Variants in CD72 observed in about 807,000 individuals in gnomAD.
CD72 encodes the protein CD72 molecule.
In CD72, 28 loss-of-function variants were observed where a neutral mutation model predicts 50.7. The observed-to-expected ratio is 0.55, with a 90% CI of 0.41 to 0.76. The LOEUF is 0.76. CD72 is among the 30% of genes least tolerant of loss of function. The pLI, the probability that CD72 is intolerant of heterozygous loss-of-function variation, is 0.00. For missense variants in CD72, 403 were observed against 420.6 expected (o/e 0.96, Z 0.37); for synonymous variants, 176 against 171.2 (o/e 1.03, Z -0.22).
chr9:35,629,117 T>C (rs1188886758), intron 1 of CD72, among the ~76,000 whole-genome samples: 1 of 152,042 alleles, frequency 6.6e-6, no homozygotes, highest in Non-Finnish European at 1.5e-5. Context: ...GCTCAAGCAA[T>C]CTTCCTGCCT....
At chr9:35,631,021 T>G (rs1396896985) in intron 1 of CD72, among the ~76,000 whole-genome samples, 1 of 152,240 alleles carries the variant, frequency 6.6e-6, no homozygotes, top group African/African-American at 2.4e-5. Flanking sequence ...ATTATTATCC[T>G]AAGAATTTTT....
rs1399207942 is a variant in CD72, at chr9:35,616,120, G to A, written c.511C>T (p.Leu171=). ...TGATGAGCCCTCTGTTCCACCTGTA[G>A]TGCTTCCTGACTCTGCGCCAGCTCT... ...RRELAQSQEA[L]QVEQRAHQAA... The change falls in exon 5 of 9, where the codon CTA becomes TTA. Residue 171 remains leucine, a synonymous_variant. Transcript: ENST00000259633. 2.5e-6 allele frequency: 4 copies of A among 1,614,154 alleles called. No homozygotes were observed. The East Asian group carries it at 8.9e-5, about 36-fold the overall frequency.
chr9:35,639,015 C>T (rs1271276444), intron 1 of CD72, among the ~76,000 whole-genome samples: 3 of 150,566 alleles, frequency 2.0e-5, no homozygotes, highest in African/African-American at 7.3e-5. Context: ...GCCGGAAGGC[C>T]GCCTTATTCT....
intron 1 of CD72, among the ~76,000 whole-genome samples, chr9:35,640,691 ACAG>A (rs1823331399): frequency 6.6e-6 from 1 of 152,230 alleles, no homozygotes; most frequent in Non-Finnish European, 1.5e-5. Flanking sequence ...ACAGTGGCAA[ACAG>A]CAGTGGTGGA....
intron 8 of CD72, 100 bp downstream of exon 8, chr9:35,610,502 C>A: frequency 1.5e-6 from 1 of 676,060 alleles, no homozygotes. Context: ...ATCCCAGGTA[C>A]AAGTTTTCTC....
intron 5 of CD72, among the ~76,000 whole-genome samples, chr9:35,615,466 T>C (rs926872076): frequency 2.0e-5 from 3 of 151,964 alleles, no homozygotes; most frequent in African/African-American, 7.3e-5. Flanking sequence ...TCCACCTCAC[T>C]GTGAGTGCTG....
chr9:35,616,155 C>T lies in CD72; in HGVS notation c.476G>A (p.Gly159Glu), dbSNP rs1405485711. The T allele has an allele frequency of 6.2e-7, 1 of 1,614,122 alleles. No individual in the cohort carries two copies. The highest frequency in any genetic ancestry group is 8.5e-7 in the Non-Finnish European group (1 of 1,180,022). The change falls in exon 5 of 9, where the codon GGG (glycine) becomes GAG (glutamate). Residue 159 changes from glycine (G) to glutamate (E), a missense_variant. Physicochemically the swap from Gly to Glu is moderately conservative, Grantham distance 98 (BLOSUM62 -2). Transcript: ENST00000259633. Reference sequence around the variant, plus strand: ...ACTCTGCGCCAGCTCTCTCCTGGACCCCTGCAGATCCTCTGCACTCTGTCC... The same window carrying T: ...ACTCTGCGCCAGCTCTCTCCTGGACTCCTGCAGATCCTCTGCACTCTGTCC... ...QLGQSAEDLQ[G>E]SRRELAQSQE...
chr9:35,637,263 C>T (rs1426884078), intron 1 of CD72, among the ~76,000 whole-genome samples: 1 of 152,224 alleles, frequency 6.6e-6, no homozygotes, highest in Non-Finnish European at 1.5e-5. Context: ...ACTCAGCCCG[C>T]CTGCACCCAG....
chr9:35,626,086 C>T (rs1823195290), intron 1 of CD72, among the ~76,000 whole-genome samples: 1 of 151,356 alleles, frequency 6.6e-6, no homozygotes, highest in African/African-American at 2.4e-5. Context: ...AGGGATTCCT[C>T]TCATGGATCT....
chr9:35,621,092 C>T (rs546560369), upstream of CD72, among the ~76,000 whole-genome samples: 2 of 152,308 alleles, frequency 1.3e-5, no homozygotes, highest in Admixed American at 1.3e-4. Flanking sequence ...CATTTAGAGG[C>T]TGGACATCAG....
At chr9:35,621,302 A>T (rs1823144865), upstream of CD72, among the ~76,000 whole-genome samples, 2 of 152,160 alleles carry the variant, frequency 1.3e-5, no homozygotes, top group Non-Finnish European at 2.9e-5. Flanking sequence ...ATGGGTGTTT[A>T]CGGTTGACAA....
upstream of CD72, among the ~76,000 whole-genome samples, chr9:35,620,497 A>T (rs748002993): frequency 6.6e-6 from 1 of 151,506 alleles, no homozygotes. Flanking sequence ...AATGGAATAC[A>T]TGGGCTTGCT....
At chr9:35,619,561 G>A (rs985452427), upstream of CD72, 1 of 152,288 alleles carries the variant, frequency 6.6e-6, no homozygotes, top group Non-Finnish European at 1.5e-5. Context: ...GACACTGCCA[G>A]GGACCCTAGA....
chr9:35,635,878 G>C (rs752897022), intron 1 of CD72, among the ~76,000 whole-genome samples: 1 of 152,264 alleles, frequency 6.6e-6, no homozygotes, highest in East Asian at 1.9e-4. Context: ...GTCAGAGGGG[G>C]TGTGGAATGG....
intron 1 of CD72, chr9:35,646,162 A>G (rs1823390362): frequency 6.6e-6 from 1 of 151,956 alleles, no homozygotes; most frequent in South Asian, 2.1e-4. Context: ...CTTCGCCTCA[A>G]AAAAAAAGAA....
At chr9:35,617,129 A>G (rs1823077433) in intron 3 of CD72, 47 bp downstream of exon 3, 3 of 1,549,236 alleles carry the variant, frequency 1.9e-6, no homozygotes, top group South Asian at 2.4e-5. Flanking sequence ...CAGCCGGGAC[A>G]GGCGCGAGCA....
chr9:35,616,329 G>T, intron 4 of CD72, 51 bp from the exon 5 acceptor site: 1 of 1,400,688 alleles, frequency 7.1e-7, no homozygotes. Context: ...CTGCCCTAGT[G>T]CCCTGAGACT....
intron 1 of CD72, chr9:35,643,038 C>A (rs569317526): frequency 1.3e-5 from 2 of 152,362 alleles, no homozygotes; most frequent in East Asian, 3.9e-4. Context: ...CCCACAACCA[C>A]GTCTCCAGCA....
intron 1 of CD72, among the ~76,000 whole-genome samples, chr9:35,627,878 C>CA (rs1823210601): frequency 6.6e-6 from 1 of 151,980 alleles, no homozygotes; most frequent in African/African-American, 2.4e-5. Flanking sequence ...CTCTGTCACC[C>CA]AGGCTGGAGT....
Sources: gnomAD v4.1 joint callset for allele counts (sites outside exome capture counted in the v4.1 genomes callset) on GRCh38, gnomAD v4.1.1 for gene constraint, MANE v1.5 for transcripts, NCBI Gene and HGNC (gene_info 2026-07-23, HGNC 2026-07-21) for gene names.